CCDC178: variants seen among roughly 807,000 people sequenced by gnomAD.
The protein encoded by CCDC178 is coiled-coil domain containing 178, also known as coiled-coil domain-containing protein 178.
A neutral mutation model predicts 117.4 loss-of-function variants in CCDC178; 126 were observed. The ratio of observed to expected loss-of-function variants is 1.07; its 90% CI spans 0.93 to 1.24. The LOEUF is 1.24. Among genes scored for constraint, CCDC178 ranks in the 50% most tolerant of loss-of-function variants. The pLI is 0.00. For synonymous variants in CCDC178, 283 were observed against 313.4 expected (o/e 0.90, Z 1.02); for missense variants, 1,030 against 986.9 (o/e 1.04, Z -0.59).
At position 33,421,619 on chromosome 18, in the gene CCDC178, ATG is replaced by A. The variant is rs891184740; in HGVS notation, c.-22-9511_-22-9510del. On this transcript the variant is annotated intron_variant, in intron 2 of 22. Coordinates refer to ENST00000383096, the MANE Select transcript of CCDC178 (RefSeq NM_001105528.4). Reference sequence around the variant, plus strand: ...ATGAGTACACCACGACCAGAGAAAGATGCACAAAAAGACAGGACAAGCGCTGT... The same window carrying A: ...ATGAGTACACCACGACCAGAGAAAGACACAAAAAGACAGGACAAGCGCTGT... Among the ~76,000 whole-genome samples, 59 of 152,342 alleles carry A rather than the reference ATG, an allele frequency of 3.9e-4. 2 individuals are homozygous for A. In the South Asian group the frequency reaches 8.9e-3, roughly 23 times the overall value.
chr18:33,130,420 G>C (rs2058056344), intron 20 of CCDC178, among the ~76,000 whole-genome samples: 2 of 151,920 alleles, frequency 1.3e-5, no homozygotes, highest in Admixed American at 6.6e-5. Flanking sequence ...TATGTAGTTT[G>C]ACTTAACATT....
intron 15 of CCDC178, among the ~76,000 whole-genome samples, chr18:33,230,667 G>A (rs998281495): frequency 3.9e-5 from 6 of 152,150 alleles, no homozygotes; most frequent in Middle Eastern, 3.4e-3. Flanking sequence ...CCATTACAAC[G>A]TCACAATCAC....
chr18:33,391,361 T>C (rs2063563215), intron 4 of CCDC178, among the ~76,000 whole-genome samples: 1 of 151,886 alleles, frequency 6.6e-6, no homozygotes, highest in Non-Finnish European at 1.5e-5. Context: ...AGAAAAAATA[T>C]AGGGGAAAAT....
intron 16 of CCDC178, among the ~76,000 whole-genome samples, 181 bp from the exon 17 acceptor site, chr18:33,225,117 T>C (rs1356384978): frequency 6.7e-6 from 1 of 150,366 alleles, no homozygotes; most frequent in East Asian, 1.9e-4. Context: ...ACATATATTA[T>C]AATATCCAAA....
At chr18:33,335,680 CAT>C (rs1411174641) in intron 9 of CCDC178, among the ~76,000 whole-genome samples, 6 of 152,082 alleles carry the variant, frequency 3.9e-5, no homozygotes, top group Non-Finnish European at 7.4e-5. Context: ...TTTCATTTCT[CAT>C]AGTTTTTCAT....
At chr18:33,097,667 T>C (rs1222682227) in intron 20 of CCDC178, among the ~76,000 whole-genome samples, 1 of 152,078 alleles carries the variant, frequency 6.6e-6, no homozygotes, top group Non-Finnish European at 1.5e-5. Flanking sequence ...TTTTAAACAC[T>C]ATATGCAATG....
intron 6 of CCDC178, among the ~76,000 whole-genome samples, chr18:33,366,017 C>T (rs780095091): frequency 1.3e-4 from 19 of 151,998 alleles, no homozygotes; most frequent in African/African-American, 2.2e-4. Context: ...TAGAAAAGTC[C>T]GTGGCAGATG....
chr18:33,310,827 C>T (rs1453346522), intron 11 of CCDC178, among the ~76,000 whole-genome samples: 2 of 152,064 alleles, frequency 1.3e-5, no homozygotes, highest in Admixed American at 1.3e-4. Context: ...ATACAGTTCC[C>T]TTATTCCCAG....
At chr18:33,088,325 A>G (rs940411681) in intron 21 of CCDC178, among the ~76,000 whole-genome samples, 1 of 150,300 alleles carries the variant, frequency 6.7e-6, no homozygotes, top group Non-Finnish European at 1.5e-5. Flanking sequence ...TTCACAAAAT[A>G]TGTTGGGATT....
chr18:33,258,738 A>G (rs1235362430), intron 14 of CCDC178, among the ~76,000 whole-genome samples: 1 of 152,194 alleles, frequency 6.6e-6, no homozygotes, highest in Non-Finnish European at 1.5e-5. Context: ...ATATAAATAT[A>G]TTTAGTCCTA....
intron 21 of CCDC178, among the ~76,000 whole-genome samples, chr18:33,063,510 C>T (rs1182619809): frequency 6.6e-6 from 1 of 152,128 alleles, no homozygotes; most frequent in Non-Finnish European, 1.5e-5. Context: ...TGCATGCTTT[C>T]CTGGGAACCT....
intron 20 of CCDC178, among the ~76,000 whole-genome samples, chr18:33,187,532 G>A (rs1191769324): frequency 6.6e-6 from 1 of 151,958 alleles, no homozygotes; most frequent in Admixed American, 6.6e-5. Flanking sequence ...GTTCAGGGAG[G>A]ACTCAGGGAT....
At chr18:33,406,815 T>C (rs541425605) in intron 3 of CCDC178, among the ~76,000 whole-genome samples, 40 of 152,184 alleles carry the variant, frequency 2.6e-4, no homozygotes, top group Non-Finnish European at 4.6e-4. Flanking sequence ...CCAGGTCAAA[T>C]CTCCTAACAA....
intron 11 of CCDC178, among the ~76,000 whole-genome samples, chr18:33,302,630 T>C (rs999242339): frequency 4.6e-5 from 7 of 152,112 alleles, no homozygotes; most frequent in African/African-American, 1.7e-4. Context: ...TCCCGGTGAA[T>C]GAACAAAGAA....
intron 20 of CCDC178, among the ~76,000 whole-genome samples, chr18:33,189,489 A>G (rs552355595): frequency 6.6e-6 from 1 of 152,290 alleles, no homozygotes; most frequent in Admixed American, 6.5e-5. Flanking sequence ...AGTAATATTT[A>G]ACACAGATAT....
At chr18:33,132,262 C>T (rs1479442625) in intron 20 of CCDC178, among the ~76,000 whole-genome samples, 1 of 151,740 alleles carries the variant, frequency 6.6e-6, no homozygotes, top group East Asian at 1.9e-4. Flanking sequence ...AATTAATTCT[C>T]TGCATATCCT....
At chr18:33,259,702 G>A (rs533430482) in intron 14 of CCDC178, among the ~76,000 whole-genome samples, 1 of 152,118 alleles carries the variant, frequency 6.6e-6, no homozygotes, top group African/African-American at 2.4e-5. Flanking sequence ...GACGAGATTT[G>A]GGTGGGGACT....
chr18:32,973,198 T>C (rs1395957315), intron 22 of CCDC178, among the ~76,000 whole-genome samples: 1 of 152,166 alleles, frequency 6.6e-6, no homozygotes, highest in Non-Finnish European at 1.5e-5. Flanking sequence ...TAATTTCTAA[T>C]GACATTTTTA....
intron 19 of CCDC178, among the ~76,000 whole-genome samples, chr18:33,214,812 T>G (rs569359698): frequency 2.7e-4 from 41 of 152,048 alleles, no homozygotes; most frequent in African/African-American, 8.7e-4. Context: ...TGGGCATAAA[T>G]TTTTTCTGAC....
Sources: gnomAD v4.1 joint callset for allele counts (sites outside exome capture counted in the v4.1 genomes callset) on GRCh38, gnomAD v4.1.1 for gene constraint, MANE v1.5 for transcripts, NCBI Gene and HGNC (gene_info 2026-07-23, HGNC 2026-07-21) for gene names.